DTL: variants seen among roughly 807,000 people sequenced by gnomAD.
The protein encoded by DTL is denticleless protein homolog.
In DTL, 46 loss-of-function variants were observed where a neutral mutation model predicts 87.0. That is an observed-to-expected ratio of 0.53 (90% CI 0.42 to 0.68). The LOEUF (loss-of-function observed/expected upper bound fraction) is 0.68, where lower values mean the gene tolerates loss of function less well. DTL is among the 30% of genes least tolerant of loss of function. The pLI is 0.00. For synonymous variants in DTL, 308 were observed against 311.2 expected (o/e 0.99, Z 0.11); for missense variants, 737 against 869.4 (o/e 0.85, Z 1.91).
intron 13 of DTL, among the ~76,000 whole-genome samples, chr1:212,086,322 A>G (rs1655128075): frequency 6.6e-6 from 1 of 152,192 alleles, no homozygotes; most frequent in South Asian, 2.1e-4. Context: ...AAAGAATCAT[A>G]TGAGGCCATT....
chr1:212,043,869 C>T (rs1020602371), intron 2 of DTL, among the ~76,000 whole-genome samples: 21 of 151,334 alleles, frequency 1.4e-4, no homozygotes, highest in African/African-American at 2.4e-5. Flanking sequence ...TTTGTCTCCA[C>T]CCATAATAGT....
chr1:212,055,812 A>G (rs534607801), intron 5 of DTL, among the ~76,000 whole-genome samples: 1 of 152,020 alleles, frequency 6.6e-6, no homozygotes, highest in Non-Finnish European at 1.5e-5. Flanking sequence ...GGGCAGTTCC[A>G]CCTAGCCTGG....
At chr1:212,101,161 CTTTT>C in intron 14 of DTL, 77 bp downstream of exon 14, 2 of 688,654 alleles carry the variant, frequency 2.9e-6, no homozygotes, top group Non-Finnish European at 4.3e-6. Flanking sequence ...AGTCAGGATG[CTTTT>C]TTTTTTTTTT....
chr1:212,038,254 A>G (rs1185177457), intron 1 of DTL, among the ~76,000 whole-genome samples: 2 of 152,244 alleles, frequency 1.3e-5, no homozygotes, highest in African/African-American at 4.8e-5. Flanking sequence ...TTCCTCATGA[A>G]CAGTATAACG....
At chr1:212,057,186 T>C (rs1051429077) in intron 5 of DTL, among the ~76,000 whole-genome samples, 1 of 152,056 alleles carries the variant, frequency 6.6e-6, no homozygotes, top group Non-Finnish European at 1.5e-5. Flanking sequence ...AGGTTTTTTT[T>C]CCATGGCACA....
At chr1:212,101,884 T>C (rs557434484) in intron 14 of DTL, among the ~76,000 whole-genome samples, 4 of 152,322 alleles carry the variant, frequency 2.6e-5, no homozygotes, top group South Asian at 4.1e-4. Context: ...GGGTGAGCTA[T>C]GGGCACCAGT....
intron 5 of DTL, among the ~76,000 whole-genome samples, chr1:212,062,144 A>G (rs1654345624): frequency 6.6e-6 from 1 of 152,226 alleles, no homozygotes; most frequent in South Asian, 2.1e-4. Flanking sequence ...TCAGTAAGAA[A>G]AATTGCATGT....
At chr1:212,073,523 C>G (rs1654737659) in intron 11 of DTL, among the ~76,000 whole-genome samples, 1 of 152,076 alleles carries the variant, frequency 6.6e-6, no homozygotes, top group Admixed American at 6.6e-5. Flanking sequence ...GGGGTAAAAC[C>G]TGTTTAGTAT....
intron 13 of DTL, among the ~76,000 whole-genome samples, chr1:212,090,364 AAG>A (rs1035250748): frequency 6.6e-6 from 1 of 152,224 alleles, no homozygotes; most frequent in Non-Finnish European, 1.5e-5. Context: ...TTTATGCTAA[AAG>A]AGAGATTGCA....
chr1:212,081,417 A>G (rs1320885561), intron 13 of DTL, among the ~76,000 whole-genome samples: 2 of 152,252 alleles, frequency 1.3e-5, no homozygotes, highest in African/African-American at 2.4e-5. Context: ...GAATAGTAGT[A>G]GAAAATGAAA....
intron 1 of DTL, among the ~76,000 whole-genome samples, chr1:212,039,560 G>A (rs906750071): frequency 4.6e-5 from 7 of 152,230 alleles, no homozygotes; most frequent in African/African-American, 7.2e-5. Context: ...TTAGAAATGC[G>A]TATATAGTCA....
At chr1:212,047,235 G>A (rs771792975) in intron 4 of DTL, 23 bp downstream of exon 4, 64 of 1,613,974 alleles carry the variant, frequency 4.0e-5, no homozygotes, top group Middle Eastern at 1.6e-4. Context: ...ATTTCATTAG[G>A]ATCTGGGTAA....
chr1:212,052,634 ACT>A (rs1390659232), intron 5 of DTL, among the ~76,000 whole-genome samples: 3 of 120,446 alleles, frequency 2.5e-5, no homozygotes, highest in Non-Finnish European at 3.4e-5. Flanking sequence ...ACAGAGCGAG[ACT>A]CTGCCTCAAA....
At chr1:212,079,638 A>G (rs186966987) in intron 12 of DTL, among the ~76,000 whole-genome samples, 2 of 152,304 alleles carry the variant, frequency 1.3e-5, no homozygotes, top group East Asian at 1.9e-4. Flanking sequence ...ATTTGAGTAC[A>G]AAGCTTTTAG....
intron 12 of DTL, among the ~76,000 whole-genome samples, chr1:212,079,834 G>A (rs1028237061): frequency 6.6e-6 from 1 of 152,116 alleles, no homozygotes; most frequent in African/African-American, 2.4e-5. Context: ...CAGTCTCTTG[G>A]GGGCCAAGAC....
Position 212,100,106 on chromosome 1 carries a change from G to A in DTL, c.1262-146G>A, listed in dbSNP as rs114409594. 4.1e-3 allele frequency: 2,173 copies of A among 529,380 alleles called. 36 individuals are homozygous for A. Among genetic ancestry groups the A allele is most frequent in the African/African-American group, 0.037 (1,926 of 51,944 alleles). The allele number at this position is 529,380 out of a possible 1,614,324, so 32.8% of individuals were successfully genotyped here. ...AAAGAGAAAGGAAAATGATAAAAGG[G>A]TGTGGTTGGAATCAAGTGATGTATA... On this transcript the variant is annotated intron_variant, in intron 13 of 14. Coordinates refer to ENST00000366991, the MANE Select transcript of DTL (RefSeq NM_016448.4).
At chr1:212,092,260 C>T (rs569605415) in intron 13 of DTL, among the ~76,000 whole-genome samples, 12 of 152,274 alleles carry the variant, frequency 7.9e-5, no homozygotes, top group South Asian at 6.2e-4. Flanking sequence ...CCAGGCCAGG[C>T]GCAGTGGCTC....
intron 11 of DTL, among the ~76,000 whole-genome samples, chr1:212,073,703 A>G (rs879357725): frequency 6.6e-6 from 1 of 152,146 alleles, no homozygotes; most frequent in Non-Finnish European, 1.5e-5. Context: ...AGATGCTTCT[A>G]TGTTGGGCCT....
chr1:212,068,371 TTAA>T, intron 9 of DTL, 44 bp downstream of exon 9: 1 of 1,219,708 alleles, frequency 8.2e-7, no homozygotes. Context: ...GAGTTTTTGT[TTAA>T]AAAAAAAAAA....
Sources: gnomAD v4.1 joint callset for allele counts (sites outside exome capture counted in the v4.1 genomes callset) on GRCh38, gnomAD v4.1.1 for gene constraint, MANE v1.5 for transcripts, NCBI Gene and HGNC (gene_info 2026-07-23, HGNC 2026-07-21) for gene names.